The following PEX11G variants were observed in gnomAD, a reference collection of about 807,000 sequenced individuals.
PEX11G encodes the protein peroxisomal biogenesis factor 11 gamma, also known as peroxisomal membrane protein 11C.
PEX11G carries 20 observed loss-of-function variants against 22.5 expected under a neutral mutation model. That is an observed-to-expected ratio of 0.89 (90% CI 0.62 to 1.29). PEX11G has a LOEUF of 1.29. PEX11G is among the 50% of genes most tolerant of loss of function. PEX11G has a pLI of 0.00. For synonymous variants in PEX11G, 141 were observed against 154.5 expected (o/e 0.91, Z 0.65); for missense variants, 347 against 331.3 (o/e 1.05, Z -0.37).
At chr19:7,478,232 C>T in intron 4 of PEX11G, 82 bp downstream of exon 4, 1 of 1,466,976 alleles carries the variant, frequency 6.8e-7, no homozygotes, top group Non-Finnish European at 9.3e-7. Context: ...CAGCATGGGC[C>T]TGCACAGGGG....
chr19:7,478,443 G>A, intron 3 of PEX11G, 67 bp from the exon 4 acceptor site: 1 of 1,502,968 alleles, frequency 6.7e-7, no homozygotes, highest in Non-Finnish European at 9.1e-7. Flanking sequence ...CACAACGCTG[G>A]CCCCGGACAT....
chr19:7,482,751 C>T (rs1228054717), intron 2 of PEX11G, among the ~76,000 whole-genome samples: 1 of 152,216 alleles, frequency 6.6e-6, no homozygotes, highest in Non-Finnish European at 1.5e-5. Flanking sequence ...CACCGCACGC[C>T]CACTGCTGAC....
upstream of PEX11G, chr19:7,489,494 T>C (rs1442535170): frequency 1.0e-6 from 1 of 988,324 alleles, no homozygotes. Flanking sequence ...GACGTTATCT[T>C]TGGACGTTAA....
Position 7,487,212 on chromosome 19 carries a change from G to C in PEX11G, c.61-1186C>G, listed in dbSNP as rs1485685857. ...AAAGCTCCTTACTTCCCACCTCCTA[G>C]GTCCTTCTTTTCCCAGGTGGCAGGA... On this transcript the variant is annotated intron_variant, in intron 1 of 4. Coordinates refer to ENST00000221480, the MANE Select transcript of PEX11G (RefSeq NM_080662.4). 2.6e-5 allele frequency among the ~76,000 whole-genome samples: 4 copies of C among 152,122 alleles called. No individual in the cohort carries two copies. The East Asian group carries it at 5.8e-4, about 22-fold the overall frequency.
chr19:7,494,905 A>G (rs375900183), intron 1 of PEX11G, among the ~76,000 whole-genome samples: 9 of 152,174 alleles, frequency 5.9e-5, no homozygotes, highest in Admixed American at 4.6e-4. Flanking sequence ...CTCCTCTGCT[A>G]CTAGCTAATA....
At chr19:7,484,130 G>A (rs1450988777) in intron 2 of PEX11G, among the ~76,000 whole-genome samples, 1 of 152,108 alleles carries the variant, frequency 6.6e-6, no homozygotes, top group Non-Finnish European at 1.5e-5. Flanking sequence ...CGGGGCAGGT[G>A]GATCACTTGA....
intron 2 of PEX11G, among the ~76,000 whole-genome samples, chr19:7,485,014 G>A (rs973631323): frequency 1.4e-4 from 22 of 151,962 alleles, no homozygotes; most frequent in African/African-American, 4.8e-4. Flanking sequence ...ACTATAAAAC[G>A]CCCATGGTGG....
chr19:7,478,256 G>C, intron 4 of PEX11G, 58 bp downstream of exon 4: 2 of 1,570,740 alleles, frequency 1.3e-6, no homozygotes, highest in South Asian at 1.2e-5. Context: ...CTGCGAGCCG[G>C]GATCCCACGC....
At chr19:7,492,091 G>A (rs1599228738), upstream of PEX11G, among the ~76,000 whole-genome samples, 1 of 152,304 alleles carries the variant, frequency 6.6e-6, no homozygotes, top group East Asian at 1.9e-4. Flanking sequence ...GGTCATTTGG[G>A]CTGTTTCTGC....
At chr19:7,480,324 G>A (rs73488445) in intron 3 of PEX11G, among the ~76,000 whole-genome samples, 2,725 of 152,032 alleles carry the variant, frequency 0.018, 86 homozygotes, top group African/African-American at 0.061. Flanking sequence ...CAGAGGTCAC[G>A]AGGCACCCAG....
chr19:7,479,400 C>T (rs1344295004), intron 3 of PEX11G, among the ~76,000 whole-genome samples: 1 of 152,200 alleles, frequency 6.6e-6, no homozygotes, highest in African/African-American at 2.4e-5. Flanking sequence ...AGGAGAATCA[C>T]TTGACCCCGG....
upstream of PEX11G, among the ~76,000 whole-genome samples, chr19:7,493,589 T>G (rs569138075): frequency 3.2e-4 from 49 of 151,988 alleles, no homozygotes; most frequent in African/African-American, 1.1e-3. Context: ...CACTGCTGCA[T>G]TGAACTCCTG....
chr19:7,479,027 C>T (rs1000118204), intron 3 of PEX11G, among the ~76,000 whole-genome samples: 1 of 152,214 alleles, frequency 6.6e-6, no homozygotes, highest in Non-Finnish European at 1.5e-5. Context: ...TGGGGTGTGC[C>T]GGGTTGTGAC....
chr19:7,478,132 C>T (rs1192493525), intron 4 of PEX11G, among the ~76,000 whole-genome samples, 182 bp downstream of exon 4: 2 of 152,244 alleles, frequency 1.3e-5, no homozygotes, highest in Non-Finnish European at 2.9e-5. Context: ...AGTCCCCGCT[C>T]AAGCAAGCCT....
At chr19:7,485,284 C>T (rs1705319736) in intron 2 of PEX11G, among the ~76,000 whole-genome samples, 1 of 152,214 alleles carries the variant, frequency 6.6e-6, no homozygotes, top group African/African-American at 2.4e-5. Flanking sequence ...GATTCTCCTG[C>T]CTCAGCCTCC....
chr19:7,484,940 C>T (rs2021568144), intron 2 of PEX11G, among the ~76,000 whole-genome samples: 1 of 152,128 alleles, frequency 6.6e-6, no homozygotes, highest in African/African-American at 2.4e-5. Flanking sequence ...CTGATCCTCT[C>T]AAAGAAGAAA....
chr19:7,489,316 G>T (rs2021821875), upstream of PEX11G: 7 of 1,162,724 alleles, frequency 6.0e-6, no homozygotes, highest in East Asian at 3.3e-4. Context: ...CTACCCACAC[G>T]CTCCAAAAAT....
intron 1 of PEX11G, among the ~76,000 whole-genome samples, chr19:7,487,703 C>T (rs1376548514): frequency 2.0e-5 from 3 of 152,150 alleles, no homozygotes; most frequent in Non-Finnish European, 4.4e-5. Flanking sequence ...ATCACAGGCG[C>T]GAGCCACCAC....
At chr19:7,492,523 C>A (rs898496844), upstream of PEX11G, among the ~76,000 whole-genome samples, 15 of 151,926 alleles carry the variant, frequency 9.9e-5, no homozygotes, top group Admixed American at 8.5e-4. Context: ...CTCACTGCAA[C>A]CTCCACCTCC....
Sources: allele counts gnomAD v4.1 joint callset (sites outside exome capture counted in the v4.1 genomes callset), GRCh38; gene constraint gnomAD v4.1.1; transcripts MANE v1.5; gene names NCBI Gene and HGNC (gene_info 2026-07-23, HGNC 2026-07-21).